ADAMTS14: variants seen among roughly 807,000 people sequenced by gnomAD.
ADAMTS14 encodes ADAM metallopeptidase with thrombospondin type 1 motif 14.
Under a neutral mutation model 128.6 loss-of-function variants are expected in ADAMTS14, and 100 were observed. The ratio of observed to expected loss-of-function variants is 0.78; its 90% confidence interval spans 0.66 to 0.92. The LOEUF (loss-of-function observed/expected upper bound fraction) is 0.92, where lower values mean the gene tolerates loss of function less well. Among genes scored for constraint, ADAMTS14 ranks in the 40% least tolerant of loss-of-function variants. The pLI is 0.00. For synonymous variants in ADAMTS14, 665 were observed against 653.8 expected (o/e 1.02, Z -0.26); for missense variants, 1,562 against 1,658.6 (o/e 0.94, Z 1.01).
At position 70,753,899 on chromosome 10, in the gene ADAMTS14, C is replaced by T. The variant is rs1424759208; in HGVS notation, c.2829C>T (p.Thr943=). The T allele has an allele frequency of 6.3e-7, 1 of 1,592,274 alleles. No individual in the cohort carries two copies. The highest frequency in any genetic ancestry group is 1.8e-5 in the Admixed American group (1 of 56,434). ...IQCLLPLSNG[T]HKVMPAKACA... is the part of the protein sequence containing the mutation. ...GCCTGCTGCCCCTCTCCAATGGAAC[C>T]CACAAGGTCATGCCGGCCAAAGCCT... is the stretch of plus-strand genomic sequence containing the variant. The change falls in exon 19 of 22, where the codon ACC becomes ACT. Residue 943 remains threonine, a synonymous_variant. Coordinates refer to ENST00000373207, the MANE Select transcript of ADAMTS14 (RefSeq NM_080722.4).
intron 12 of ADAMTS14, among the ~76,000 whole-genome samples, chr10:70,741,985 G>T (rs1478259756): frequency 2.0e-5 from 3 of 152,148 alleles, no homozygotes; most frequent in Non-Finnish European, 4.4e-5. Context: ...TCTTGGCCCA[G>T]ACAGCTCCCA....
At chr10:70,689,988 TTCTAGTTATTTA>T (rs1304258413) in intron 2 of ADAMTS14, among the ~76,000 whole-genome samples, 1 of 144,888 alleles carries the variant, frequency 6.9e-6, no homozygotes, top group African/African-American at 2.4e-5. Flanking sequence ...TGTCACATAT[TTCTAGTTATTTA>T]TCGCCTGTCA....
Position 70,734,048 on chromosome 10 carries a change from A to C in ADAMTS14, c.1352+20A>C. 1 of 1,608,484 alleles carries C rather than the reference A, an allele frequency of 6.2e-7. No homozygotes were observed. Among genetic ancestry groups the C allele is most frequent in the Non-Finnish European group, 8.5e-7 (1 of 1,178,904 alleles). ...CCTCCCGTAGGTCATTCCTGCCCTC[A>C]GAGCTGGGATAGGGGAGCATGCGAC... On this transcript the variant is annotated intron_variant, in intron 8 of 21. Transcript: ENST00000373207.
At position 70,743,640 on chromosome 10, in the gene ADAMTS14, T is replaced by C. The variant is rs762919329; in HGVS notation, c.2017T>C (p.Tyr673His). The C allele has an allele frequency of 1.2e-5, 19 of 1,610,786 alleles. No homozygotes were observed. The highest frequency in any genetic ancestry group is 1.6e-5 in the Non-Finnish European group (19 of 1,178,918). ...GGTTCACGATGGGACACGCTGCAGC[T>C]ACCGGGACCCATACAGCGTCTGTGC... ...QVVHDGTRCS[Y>H]RDPYSVCARG... The change falls in exon 13 of 22, where the codon TAC (tyrosine) becomes CAC (histidine). Residue 673 changes from tyrosine to histidine, a missense_variant. Tyr to His is a moderately conservative substitution (Grantham distance 83, BLOSUM62 2). Transcript: ENST00000373207.
chr10:70,760,560 C>A lies in ADAMTS14; in HGVS notation c.3379C>A (p.Pro1127Thr). 6.2e-7 allele frequency: 1 copy of A among 1,613,510 alleles called. No homozygotes were observed. The highest frequency in any genetic ancestry group is 1.1e-5 in the South Asian group (1 of 90,968). ...PGSPLPGPQD[P>T]ADAAEPPGKP... ...AAGCCCCTTACCAGGACCCCAGGACCCTGCAGATGCTGCAGAGCCTCCTGG... is the reference window on the plus strand; with the variant it reads ...AAGCCCCTTACCAGGACCCCAGGACACTGCAGATGCTGCAGAGCCTCCTGG... The change falls in exon 22 of 22, where the codon CCT becomes ACT. Residue 1127 changes from proline (P) to threonine (T), a missense_variant. Coordinates refer to ENST00000373207, the MANE Select transcript of ADAMTS14 (RefSeq NM_080722.4).
chr10:70,725,382 G>C (rs954636923), intron 4 of ADAMTS14, among the ~76,000 whole-genome samples: 1 of 152,164 alleles, frequency 6.6e-6, no homozygotes, highest in Non-Finnish European at 1.5e-5. Flanking sequence ...TCAGATGGAG[G>C]GGGATGGCTT....
intron 7 of ADAMTS14, among the ~76,000 whole-genome samples, chr10:70,733,670 A>G (rs1268335583): frequency 3.3e-5 from 5 of 152,200 alleles, no homozygotes; most frequent in African/African-American, 4.8e-5. Flanking sequence ...AGCAGGAGCG[A>G]AGGCTTGGAG....
intron 2 of ADAMTS14, among the ~76,000 whole-genome samples, chr10:70,697,550 C>T (rs1782119276): frequency 1.3e-5 from 2 of 152,236 alleles, no homozygotes; most frequent in South Asian, 4.1e-4. Context: ...AATAGATGTA[C>T]TTTAATGTAC....
chr10:70,696,769 C>T (rs561926281), intron 2 of ADAMTS14, among the ~76,000 whole-genome samples: 94 of 152,256 alleles, frequency 6.2e-4, no homozygotes, highest in African/African-American at 2.2e-3. Flanking sequence ...AAGGAGCCAC[C>T]TGCGGTCGAG....
intron 3 of ADAMTS14, among the ~76,000 whole-genome samples, chr10:70,705,276 G>A (rs750466991): frequency 1.3e-5 from 2 of 152,058 alleles, no homozygotes; most frequent in Non-Finnish European, 2.9e-5. Context: ...TGCTCCTAAC[G>A]CTTCCCTCTC....
chr10:70,697,805 T>G (rs545569696), intron 2 of ADAMTS14, among the ~76,000 whole-genome samples: 1 of 152,318 alleles, frequency 6.6e-6, no homozygotes. Context: ...GAACCCATAC[T>G]GGAAAACCTG....
At chr10:70,748,820 C>T (rs1004175846) in intron 15 of ADAMTS14, among the ~76,000 whole-genome samples, 7 of 152,200 alleles carry the variant, frequency 4.6e-5, no homozygotes, top group African/African-American at 1.4e-4. Context: ...ACCTGGACAC[C>T]CCAAGGCTCT....
At chr10:70,696,104 G>C (rs1243723873) in intron 2 of ADAMTS14, among the ~76,000 whole-genome samples, 2 of 152,180 alleles carry the variant, frequency 1.3e-5, no homozygotes, top group Non-Finnish European at 2.9e-5. Context: ...GGGAGGTAGA[G>C]AGTTTCAAAG....
chr10:70,759,909 A>G (rs1413750988), intron 21 of ADAMTS14, among the ~76,000 whole-genome samples: 7 of 152,218 alleles, frequency 4.6e-5, no homozygotes, highest in Non-Finnish European at 1.0e-4. Flanking sequence ...TGAAGGAGAC[A>G]GGCACCCCCA....
intron 2 of ADAMTS14, among the ~76,000 whole-genome samples, chr10:70,697,953 G>C (rs946409645): frequency 1.6e-4 from 25 of 152,196 alleles, no homozygotes. Flanking sequence ...ACCTCCCAGG[G>C]AAGGCACCTC....
intron 21 of ADAMTS14, among the ~76,000 whole-genome samples, 182 bp from the exon 22 acceptor site, chr10:70,760,178 G>A (rs551617814): frequency 5.8e-4 from 89 of 152,270 alleles, no homozygotes; most frequent in African/African-American, 2.1e-3. Flanking sequence ...CTTCCATGTA[G>A]TCAGGGCTGA....
At chr10:70,711,617 T>A (rs1840862157) in intron 4 of ADAMTS14, among the ~76,000 whole-genome samples, 1 of 152,242 alleles carries the variant, frequency 6.6e-6, no homozygotes, top group South Asian at 2.1e-4. Flanking sequence ...AAGTAATGTT[T>A]TCTGTCATTA....
At position 70,672,819 on chromosome 10, in the gene ADAMTS14, C is replaced by T; in HGVS notation, c.17C>T (p.Ala6Val). The T allele has an allele frequency of 2.6e-6, 4 of 1,512,256 alleles. No individual in the cohort carries two copies. Among genetic ancestry groups the T allele is most frequent in the Non-Finnish European group, 3.5e-6 (4 of 1,134,466 alleles). The allele number at this position is 1,512,256 out of a possible 1,614,324, so 93.7% of individuals were successfully genotyped here. The part of the protein sequence containing the change: MAPLR[A>V]LLSYLLPLHC... Reference sequence around the variant, plus strand: ...CGCGGCCACATGGCTCCACTCCGCGCGCTGCTGTCCTACCTGCTGCCTTTG... The same window carrying T: ...CGCGGCCACATGGCTCCACTCCGCGTGCTGCTGTCCTACCTGCTGCCTTTG... The change falls in exon 1 of 22, where the codon GCG becomes GTG. Residue 6 changes from alanine (A) to valine (V), a missense_variant. By Grantham distance (64) the Ala-to-Val change is moderately conservative (BLOSUM62 0). Coordinates refer to ENST00000373207, the MANE Select transcript of ADAMTS14 (RefSeq NM_080722.4).
chr10:70,739,117 C>T lies in ADAMTS14; in HGVS notation c.1748+127C>T, dbSNP rs994972406. 30 of 1,177,104 alleles carry T rather than the reference C, an allele frequency of 2.5e-5. No homozygotes were observed. The Admixed American group carries it at 5.2e-4, about 20-fold the overall frequency. 72.9% of individuals were successfully genotyped at this position (1,177,104 alleles called of 1,614,324 possible). ...CCCTGTGGGTGGTTGTGTATGCTAA[C>T]GCATGAGGACACAAACTTGTTGGTG... On this transcript the variant is annotated intron_variant, in intron 11 of 21. Transcript: ENST00000373207.
Sources: allele counts gnomAD v4.1 joint callset (sites outside exome capture counted in the v4.1 genomes callset), GRCh38; gene constraint gnomAD v4.1.1; transcripts MANE v1.5; gene names NCBI Gene and HGNC (gene_info 2026-07-23, HGNC 2026-07-21).